MYBPC1: variants seen among roughly 807,000 people sequenced by gnomAD.
MYBPC1 encodes the protein myosin binding protein C1, also known as myosin-binding protein C, slow-type.
MYBPC1 carries 52 observed loss-of-function variants against 147.1 expected under a neutral mutation model. That is an observed-to-expected ratio of 0.35 (90% CI 0.28 to 0.45). The LOEUF is 0.45. Ranked by LOEUF, MYBPC1 falls within the 20% of genes least tolerant of loss-of-function variation. The pLI, the probability that MYBPC1 is intolerant of heterozygous loss-of-function variation, is 1.00. For missense variants in MYBPC1, 1,228 were observed against 1,440.3 expected (o/e 0.85, Z 2.39); for synonymous variants, 477 against 475.9 (o/e 1.00, Z -0.03).
At position 101,643,492 on chromosome 12, in the gene MYBPC1, G is replaced by A. The variant is rs192640651; in HGVS notation, c.832+907G>A. On this transcript the variant is annotated intron_variant, in intron 11 of 31. Coordinates refer to ENST00000361466, the MANE Select transcript of MYBPC1 (RefSeq NM_002465.4). Reference sequence around the variant, plus strand: ...GCTCTGAATTCATCTCCTAAGGTGTGTGGTAGATGGCTTTTTTAAAAGCTA... The same window carrying A: ...GCTCTGAATTCATCTCCTAAGGTGTATGGTAGATGGCTTTTTTAAAAGCTA... Among the ~76,000 whole-genome samples, 871 of 152,240 alleles carry A rather than the reference G, an allele frequency of 5.7e-3. 10 individuals are homozygous for A. The highest frequency in any genetic ancestry group is 0.02 in the African/African-American group (831 of 41,538).
Position 101,626,661 on chromosome 12 carries a change from C to T in MYBPC1, c.104-211C>T, listed in dbSNP as rs537769257. On this transcript the variant is annotated intron_variant, in intron 3 of 31. Coordinates refer to ENST00000361466, the MANE Select transcript of MYBPC1 (RefSeq NM_002465.4). ...AAATCTGTGCTTCCATTTGGATTAC[C>T]CTACTCTGTCAACTTTTTATTTATT... Among the ~76,000 whole-genome samples, 6 of 152,254 alleles carry T rather than the reference C, an allele frequency of 3.9e-5. No individual in the cohort carries two copies. The South Asian group carries it at 1.2e-3, about 32-fold the overall frequency.
intron 19 of MYBPC1, 54 bp downstream of exon 19, chr12:101,659,885 A>G: frequency 1.3e-6 from 2 of 1,596,700 alleles, no homozygotes; most frequent in Non-Finnish European, 1.7e-6. Flanking sequence ...GTCAAGATTC[A>G]GAGTAGACTT....
intron 11 of MYBPC1, among the ~76,000 whole-genome samples, chr12:101,643,376 G>T (rs951831767): frequency 2.6e-5 from 4 of 152,054 alleles, no homozygotes; most frequent in African/African-American, 9.7e-5. Flanking sequence ...AACTCCTGAA[G>T]TTATATTTTT....
intron 9 of MYBPC1, 144 bp from the exon 10 acceptor site, chr12:101,636,528 C>G (rs1195494529): frequency 1.4e-6 from 1 of 721,248 alleles, no homozygotes; most frequent in Non-Finnish European, 2.5e-6. Context: ...TAACATGTCA[C>G]TTGTGTGAAA....
intron 1 of MYBPC1, among the ~76,000 whole-genome samples, chr12:101,606,234 AC>A (rs1882116518): frequency 6.6e-6 from 1 of 151,698 alleles, no homozygotes; most frequent in South Asian, 2.1e-4. Flanking sequence ...ACACACACAC[AC>A]AAGAATGCAC....
chr12:101,654,637 C>T (rs1895205713), intron 18 of MYBPC1, among the ~76,000 whole-genome samples: 2 of 152,114 alleles, frequency 1.3e-5, no homozygotes, highest in African/African-American at 4.8e-5. Context: ...GGAACACGCT[C>T]AAGTATTCAG....
chr12:101,660,066 C>T (rs1896265492), intron 19 of MYBPC1: 1 of 549,604 alleles, frequency 1.8e-6, no homozygotes, highest in Admixed American at 3.1e-5. Flanking sequence ...CTTTAAACAT[C>T]ACTGAAACAC....
chr12:101,666,583 A>C (rs1021739255), intron 22 of MYBPC1: 8 of 686,654 alleles, frequency 1.2e-5, no homozygotes, highest in Non-Finnish European at 2.1e-5. Flanking sequence ...CTCCTGAGGA[A>C]CCCCCCTAAC....
At chr12:101,605,587 A>G (rs825082) in intron 1 of MYBPC1, among the ~76,000 whole-genome samples, 81,207 of 152,086 alleles carry the variant, frequency 0.53, 23,488 homozygotes, top group African/African-American at 0.76. Context: ...TTGGTTGGGC[A>G]TGGTGGCTCA....
intron 4 of MYBPC1, 109 bp downstream of exon 4, chr12:101,627,019 G>T: frequency 9.5e-7 from 1 of 1,057,552 alleles, no homozygotes; most frequent in Non-Finnish European, 1.4e-6. Flanking sequence ...ACAGAGCAGG[G>T]GCAACAGTTT....
At chr12:101,617,137 G>T in intron 2 of MYBPC1, 65 bp from the exon 3 acceptor site, 1 of 1,509,336 alleles carries the variant, frequency 6.6e-7, no homozygotes, top group Non-Finnish European at 9.2e-7. Flanking sequence ...TCTCCACCCC[G>T]TTGCTCATCA....
the MYBPC1 span, among the ~76,000 whole-genome samples, chr12:101,693,291 T>C: frequency 6.6e-6 from 1 of 152,154 alleles, no homozygotes; most frequent in Non-Finnish European, 1.5e-5. Flanking sequence ...TTGCAAAATA[T>C]ACAAATATGC....
chr12:101,684,290 C>A (rs903101434), intron 30 of MYBPC1, 92 bp from the exon 31 acceptor site: 3 of 982,868 alleles, frequency 3.1e-6, no homozygotes, highest in Non-Finnish European at 4.9e-6. Context: ...TAATCATGAC[C>A]ATAATTTCAT....
intron 16 of MYBPC1, among the ~76,000 whole-genome samples, chr12:101,651,744 C>T (rs1026340392): frequency 1.3e-5 from 2 of 152,098 alleles, no homozygotes; most frequent in African/African-American, 4.8e-5. Flanking sequence ...AGTTCAAGAG[C>T]TCCTGGGCTA....
In MYBPC1 at chr12:101,642,580, G is replaced by A; in HGVS notation, c.827G>A (p.Ser276Asn). The A allele has an allele frequency of 6.2e-7, 1 of 1,609,434 alleles. No homozygotes were observed. Among genetic ancestry groups the A allele is most frequent in the Non-Finnish European group, 8.5e-7 (1 of 1,178,108 alleles). ...CGCATGCGCAGAGAGGAGAAGAAGA[G>A]CGCAGGTGAGCGCTCCCGGGGGCGA... ...LKRMRREEKK[S>N]AAFAKILDPA... is the part of the protein sequence containing the mutation. The change falls in exon 11 of 32, where the codon AGC (serine) becomes AAC (asparagine). Residue 276 changes from serine to asparagine, a missense_variant. Ser to Asn is a conservative substitution (Grantham distance 46). Transcript: ENST00000361466.
At chr12:101,662,283 G>T in intron 20 of MYBPC1, 75 bp from the exon 21 acceptor site, 1 of 1,484,018 alleles carries the variant, frequency 6.7e-7, no homozygotes. Flanking sequence ...AAAATTTTAA[G>T]GACTTCTATT....
downstream of MYBPC1, among the ~76,000 whole-genome samples, chr12:101,687,796 A>T (rs1255768812): frequency 2.6e-5 from 4 of 152,196 alleles, no homozygotes; most frequent in Non-Finnish European, 5.9e-5. Flanking sequence ...TAGGCTGCTT[A>T]TACGTGTATG....
At chr12:101,664,248 C>T (rs1178541536) in intron 22 of MYBPC1, among the ~76,000 whole-genome samples, 1 of 152,022 alleles carries the variant, frequency 6.6e-6, no homozygotes, top group Non-Finnish European at 1.5e-5. Context: ...AAAATATGGG[C>T]CAGAATTACC....
intron 22 of MYBPC1, among the ~76,000 whole-genome samples, chr12:101,665,895 T>G (rs538014999): frequency 6.6e-6 from 1 of 152,368 alleles, no homozygotes; most frequent in Non-Finnish European, 1.5e-5. Context: ...TAAGGAATTT[T>G]TATTCTCCAC....
Sources: allele counts gnomAD v4.1 joint callset (sites outside exome capture counted in the v4.1 genomes callset), GRCh38; gene constraint gnomAD v4.1.1; transcripts MANE v1.5; gene names NCBI Gene and HGNC (gene_info 2026-07-23, HGNC 2026-07-21).